The following SHOC1 variants were observed in gnomAD, a reference collection of about 807,000 sequenced individuals.
SHOC1 encodes the protein protein shortage in chiasmata 1 ortholog.
SHOC1 carries 136 observed loss-of-function variants against 179.2 expected under a neutral mutation model. That is an observed-to-expected ratio of 0.76 (90% CI 0.66 to 0.87). SHOC1 has a LOEUF of 0.87. SHOC1 is among the 40% of genes least tolerant of loss of function. The pLI, the probability that SHOC1 is intolerant of heterozygous loss-of-function variation, is 0.00. For synonymous variants in SHOC1, 489 were observed against 586.6 expected (o/e 0.83, Z 2.41); for missense variants, 1,538 against 1,700.8 (o/e 0.90, Z 1.68).
rs73541237 is a variant in SHOC1 at position 111,686,527 on chromosome 9, G to T, written c.*243C>A. ...TCATTTAAATGGCCTGTGTGCAGGGGTGTCTGGAAGACATTTTGGATCTTA... is the reference window on the plus strand; with the variant it reads ...TCATTTAAATGGCCTGTGTGCAGGGTTGTCTGGAAGACATTTTGGATCTTA... On this transcript the variant is annotated 3_prime_UTR_variant, in exon 28 of 28. Coordinates refer to ENST00000682961, the MANE Select transcript of SHOC1 (RefSeq NM_001378211.1). 1,941 of 345,450 alleles carry T rather than the reference G, an allele frequency of 5.6e-3. 30 individuals carry two copies. The highest frequency in any genetic ancestry group is 0.038 in the African/African-American group (1,759 of 46,338). The allele number at this position is 345,450 out of a possible 1,614,324, so 21.4% of individuals were successfully genotyped here.
rs1045139166 is a variant in SHOC1 at position 111,787,802 on chromosome 9, T to C, written c.46-1767A>G. On this transcript the variant is annotated intron_variant, in intron 2 of 27. Coordinates refer to ENST00000682961, the MANE Select transcript of SHOC1 (RefSeq NM_001378211.1). ...AACAGCACTGCATGCTACAGAGAAATCTTTGGTGACTGAAAGAATCAATGT... is the reference window on the plus strand; with the variant it reads ...AACAGCACTGCATGCTACAGAGAAACCTTTGGTGACTGAAAGAATCAATGT... Among the ~76,000 whole-genome samples, 9 of 152,120 alleles carry C rather than the reference T, an allele frequency of 5.9e-5. 1 individual carries two copies. Among genetic ancestry groups the C allele is most frequent in the African/African-American group, 2.2e-4 (9 of 41,408 alleles).
chr9:111,763,138 TA>T (rs1835208672), intron 5 of SHOC1, among the ~76,000 whole-genome samples: 1 of 151,652 alleles, frequency 6.6e-6, no homozygotes, highest in Non-Finnish European at 1.5e-5. Context: ...AAAAAATATA[TA>T]AAAAATAAAT....
chr9:111,744,664 T>C (rs147906896), intron 10 of SHOC1, among the ~76,000 whole-genome samples: 240 of 152,322 alleles, frequency 1.6e-3, no homozygotes, highest in Non-Finnish European at 3.2e-3. Flanking sequence ...TAGAGACTTG[T>C]AGACTTTACT....
In SHOC1 at chr9:111,781,750, A is replaced by AAATAAATAAATAAATTAATTAATT. The variant is rs765900257; in HGVS notation, c.170-734_170-733insAATTAATTAATTTATTTATTTATT. On this transcript the variant is annotated intron_variant, in intron 3 of 27. Transcript: ENST00000682961. ...TAAATAAATAAATAAATAAATAAAT[A>AAATAAATAAATAAATTAATTAATT]AATTTGTATGTGTACATAGCTTATC... Among the ~76,000 whole-genome samples the AAATAAATAAATAAATTAATTAATT allele has an allele frequency of 7.8e-3, 1,180 of 150,970 alleles. 14 individuals are homozygous for AAATAAATAAATAAATTAATTAATT. The highest frequency in any genetic ancestry group is 0.021 in the African/African-American group (861 of 41,060).
At chr9:111,766,042 CCCT>C (rs2131590814) in intron 5 of SHOC1, among the ~76,000 whole-genome samples, 1 of 151,972 alleles carries the variant, frequency 6.6e-6, no homozygotes, top group Admixed American at 6.6e-5. Context: ...TCTTTTTTCC[CCCT>C]CATCCCCCTT....
At chr9:111,760,464 G>C (rs1038515121) in intron 5 of SHOC1, among the ~76,000 whole-genome samples, 2 of 152,064 alleles carry the variant, frequency 1.3e-5, no homozygotes, top group Non-Finnish European at 2.9e-5. Context: ...ATTTTGGCTA[G>C]TTAACTATGA....
intron 1 of SHOC1, among the ~76,000 whole-genome samples, chr9:111,793,474 T>G (rs932490505): frequency 6.6e-6 from 1 of 152,208 alleles, no homozygotes; most frequent in Non-Finnish European, 1.5e-5. Context: ...TAAGATGCCA[T>G]ATGTTATATA....
chr9:111,773,883 A>C (rs898028430), intron 5 of SHOC1, among the ~76,000 whole-genome samples: 2 of 152,186 alleles, frequency 1.3e-5, no homozygotes, highest in Non-Finnish European at 2.9e-5. Context: ...CAAATATACT[A>C]TGTTCCTTTT....
rs772346211 is a variant in SHOC1 at position 111,728,053 on chromosome 9, A to G, written c.1418-4T>C. The G allele has an allele frequency of 6.4e-7, 1 of 1,551,560 alleles. No individual in the cohort carries two copies. The highest frequency in any genetic ancestry group is 8.7e-7 in the Non-Finnish European group (1 of 1,150,764). On this transcript the variant is annotated splice_region_variant and splice_polypyrimidine_tract_variant and intron_variant, in intron 12 of 27. Transcript: ENST00000682961. ...TGACTTTTATGTTCTAGACATGCTG[A>G]AAACAGAAAATAACAACACACAAGT...
rs770508213 is a variant in SHOC1 at position 111,733,737 on chromosome 9, G to A, written c.1417+4543C>T. ...ACAAAAATTAGCCAGGCACGGTGGC[G>A]CGTGGCTGTAGTCCCAGCTACTTGA... On this transcript the variant is annotated intron_variant, in intron 12 of 27. Transcript: ENST00000682961. Among the ~76,000 whole-genome samples, 8 of 152,082 alleles carry A rather than the reference G, an allele frequency of 5.3e-5. No homozygotes were observed. The South Asian group carries it at 6.2e-4, about 12-fold the overall frequency.
chr9:111,759,177 G>A (rs757442463), intron 5 of SHOC1: 34 of 1,612,588 alleles, frequency 2.1e-5, no homozygotes, highest in Non-Finnish European at 2.9e-5. Flanking sequence ...GCCAGGCGTA[G>A]CCTAAGCAAA....
intron 2 of SHOC1, among the ~76,000 whole-genome samples, chr9:111,789,889 A>G (rs2131654707): frequency 6.6e-6 from 1 of 152,340 alleles, no homozygotes; most frequent in South Asian, 2.1e-4. Context: ...ATGAGGGAAT[A>G]ATAAAACCAG....
At chr9:111,688,684 A>C (rs182255920) in intron 27 of SHOC1, among the ~76,000 whole-genome samples, 95 of 152,304 alleles carry the variant, frequency 6.2e-4, no homozygotes, top group Non-Finnish European at 1.2e-3. Flanking sequence ...TGGCTCAAAG[A>C]AAAAATTTAT....
chr9:111,705,892 A>T (rs1832250162), intron 20 of SHOC1, among the ~76,000 whole-genome samples: 1 of 152,116 alleles, frequency 6.6e-6, no homozygotes, highest in South Asian at 2.1e-4. Context: ...TTTATAAAAG[A>T]ATAGTTACAC....
chr9:111,728,391 A>C (rs1833407019), intron 12 of SHOC1, among the ~76,000 whole-genome samples: 1 of 152,170 alleles, frequency 6.6e-6, no homozygotes, highest in Non-Finnish European at 1.5e-5. Flanking sequence ...CAATGGAAAA[A>C]AATACTTGCA....
At chr9:111,728,179 G>A (rs1307480110) in intron 12 of SHOC1, 130 bp from the exon 13 acceptor site, 3 of 641,900 alleles carry the variant, frequency 4.7e-6, no homozygotes, top group Admixed American at 4.0e-5. Context: ...TTTGTTTACT[G>A]CTTTGAAAAT....
At chr9:111,702,031 C>A in intron 23 of SHOC1, 74 bp downstream of exon 23, 1 of 1,062,608 alleles carries the variant, frequency 9.4e-7, no homozygotes, top group African/African-American at 1.7e-5. Flanking sequence ...ATTGCATAGC[C>A]ATTTCCATTC....
At chr9:111,790,438 T>C (rs1836407964) in intron 2 of SHOC1, among the ~76,000 whole-genome samples, 2 of 152,352 alleles carry the variant, frequency 1.3e-5, no homozygotes, top group East Asian at 1.9e-4. Flanking sequence ...TCATTCCAGA[T>C]TGTTAGCAAA....
intron 15 of SHOC1, among the ~76,000 whole-genome samples, chr9:111,720,358 A>G (rs551180457): frequency 1.1e-4 from 17 of 152,306 alleles, no homozygotes; most frequent in African/African-American, 4.1e-4. Context: ...TGCATGTGGC[A>G]TGTCTTTTTG....
Sources: gnomAD v4.1 joint callset for allele counts (sites outside exome capture counted in the v4.1 genomes callset) on GRCh38, gnomAD v4.1.1 for gene constraint, MANE v1.5 for transcripts, NCBI Gene and HGNC (gene_info 2026-07-23, HGNC 2026-07-21) for gene names.